Variants in PLD5 observed in about 807,000 individuals in gnomAD.
PLD5 encodes the protein inactive phospholipase D5.
A neutral mutation model predicts 61.1 loss-of-function variants in PLD5; 36 were observed. The observed-to-expected ratio is 0.59, with a 90% CI of 0.45 to 0.78. The LOEUF is 0.78. Ranked by LOEUF, PLD5 falls within the 30% of genes least tolerant of loss-of-function variation. The pLI, the probability that PLD5 is intolerant of heterozygous loss-of-function variation, is 0.00. For synonymous variants in PLD5, 243 were observed against 242.8 expected (o/e 1.00, Z -0.01); for missense variants, 515 against 644.4 (o/e 0.80, Z 2.17).
intron 4 of PLD5, among the ~76,000 whole-genome samples, chr1:242,246,478 A>ACACACACAC (rs138668018): frequency 7.1e-6 from 1 of 141,106 alleles, no homozygotes; most frequent in Non-Finnish European, 1.5e-5. Context: ...TAGAAAAGAC[A>ACACACACAC]ACACACACAC....
chr1:242,145,696 T>G (rs1165732185), intron 5 of PLD5, among the ~76,000 whole-genome samples: 8 of 152,264 alleles, frequency 5.3e-5, no homozygotes, highest in Admixed American at 4.6e-4. Context: ...AGTCCACTTT[T>G]CTGTCTCGCC....
At chr1:242,196,187 A>G (rs1668627072) in intron 5 of PLD5, among the ~76,000 whole-genome samples, 1 of 152,254 alleles carries the variant, frequency 6.6e-6, no homozygotes, top group Non-Finnish European at 1.5e-5. Flanking sequence ...AACAACAGCT[A>G]GAAGGTAAAT....
rs544540799 is a variant in PLD5, at chr1:242,385,607, G to A, written c.190-37365C>T. ...GTCTTTTTCTCAATCCTTTGACTCCGCCGGACTTTGTCACCCCCACGACCT... is the reference window on the plus strand; with the variant it reads ...GTCTTTTTCTCAATCCTTTGACTCCACCGGACTTTGTCACCCCCACGACCT... On this transcript the variant is annotated intron_variant, in intron 1 of 9. Transcript: ENST00000536534. Among the ~76,000 whole-genome samples the A allele has an allele frequency of 5.3e-5, 8 of 152,098 alleles. No individual in the cohort carries two copies. In the East Asian group the frequency reaches 9.7e-4, roughly 18 times the overall value.
chr1:242,523,304 A>T (rs976583391), intron 1 of PLD5, among the ~76,000 whole-genome samples: 1 of 151,764 alleles, frequency 6.6e-6, no homozygotes, highest in Non-Finnish European at 1.5e-5. Context: ...TGATGGATCA[A>T]ATTTGAAACT....
Position 242,514,013 on chromosome 1 carries a change from A to G in PLD5, c.189+10075T>C, listed in dbSNP as rs534901070. Among the ~76,000 whole-genome samples the G allele has an allele frequency of 2.6e-5, 4 of 152,358 alleles. No individual in the cohort carries two copies. The South Asian group carries it at 8.3e-4, about 32-fold the overall frequency. ...CAATTCCTATATGGACCACTAAAAA[A>G]GATGCTACACTGGTCTCCCCAATTC... On this transcript the variant is annotated intron_variant, in intron 1 of 9. Transcript: ENST00000536534.
chr1:242,109,454 G>A (rs551682458), intron 7 of PLD5, among the ~76,000 whole-genome samples: 2 of 152,152 alleles, frequency 1.3e-5, no homozygotes, highest in Admixed American at 6.5e-5. Flanking sequence ...CTCCAGCCTG[G>A]GTGACAGAGC....
intron 5 of PLD5, among the ~76,000 whole-genome samples, chr1:242,206,543 C>A (rs1669324690): frequency 6.6e-6 from 1 of 152,176 alleles, no homozygotes; most frequent in Non-Finnish European, 1.5e-5. Context: ...TACTAATAGC[C>A]TACTGTTGAC....
intron 1 of PLD5, among the ~76,000 whole-genome samples, chr1:242,369,838 G>T (rs752364966): frequency 1.3e-5 from 2 of 152,054 alleles, no homozygotes; most frequent in Non-Finnish European, 2.9e-5. Flanking sequence ...CCACCACCCC[G>T]GGTGGTCTGC....
chr1:242,179,440 G>C (rs1380890103), intron 5 of PLD5, among the ~76,000 whole-genome samples: 1 of 152,148 alleles, frequency 6.6e-6, no homozygotes, highest in Non-Finnish European at 1.5e-5. Context: ...CAGAGGACTC[G>C]ATTTCTTCCC....
At chr1:242,300,448 GAAGAAGAAAGAA>G (rs1173838320) in intron 2 of PLD5, among the ~76,000 whole-genome samples, 3 of 17,540 alleles carry the variant, frequency 1.7e-4, no homozygotes, top group African/African-American at 3.6e-4. Flanking sequence ...GGAGGAGGAG[GAAGAAGAAAGAA>G]AGAAAGAAAG....
intron 1 of PLD5, among the ~76,000 whole-genome samples, chr1:242,442,073 A>T (rs997013233): frequency 6.6e-6 from 1 of 152,174 alleles, no homozygotes; most frequent in Non-Finnish European, 1.5e-5. Flanking sequence ...AGCACCTCTC[A>T]TGGGAGCACA....
At chr1:242,282,503 T>C (rs1461548867) in intron 3 of PLD5, among the ~76,000 whole-genome samples, 2 of 152,194 alleles carry the variant, frequency 1.3e-5, no homozygotes, top group Non-Finnish European at 2.9e-5. Context: ...TAAAAAATCA[T>C]AATTTCTCGA....
intron 2 of PLD5, among the ~76,000 whole-genome samples, chr1:242,301,764 A>ACAT (rs1676049479): frequency 2.6e-5 from 1 of 38,610 alleles, no homozygotes; most frequent in African/African-American, 7.0e-5. Flanking sequence ...ATTTTTTAAA[A>ACAT]CATTATTATT....
At chr1:242,182,578 C>T (rs1464370382) in intron 5 of PLD5, among the ~76,000 whole-genome samples, 2 of 152,152 alleles carry the variant, frequency 1.3e-5, no homozygotes, top group Non-Finnish European at 2.9e-5. Context: ...CGCAGTGGCT[C>T]ACGCTTGTAA....
intron 3 of PLD5, among the ~76,000 whole-genome samples, chr1:242,274,623 G>A (rs1337863145): frequency 1.1e-4 from 16 of 152,012 alleles, no homozygotes; most frequent in Non-Finnish European, 1.9e-4. Flanking sequence ...GTGTGGTGGC[G>A]GGCGCCTGTA....
chr1:242,484,514 AG>A (rs1382263344), intron 1 of PLD5, among the ~76,000 whole-genome samples: 2 of 152,222 alleles, frequency 1.3e-5, no homozygotes, highest in Non-Finnish European at 2.9e-5. Flanking sequence ...ACCAGGAAGA[AG>A]TTGAATCCCT....
intron 1 of PLD5, among the ~76,000 whole-genome samples, chr1:242,397,673 C>A (rs553587414): frequency 6.6e-6 from 1 of 152,264 alleles, no homozygotes; most frequent in African/African-American, 2.4e-5. Flanking sequence ...TACTCCCTCA[C>A]TCCCTACCTA....
intron 1 of PLD5, among the ~76,000 whole-genome samples, chr1:242,493,597 C>T (rs1481494559): frequency 1.3e-5 from 2 of 152,188 alleles, no homozygotes; most frequent in Non-Finnish European, 2.9e-5. Flanking sequence ...GAGGCTGCCA[C>T]ATGGCCACCG....
At chr1:242,136,295 C>T (rs1055574234) in intron 5 of PLD5, among the ~76,000 whole-genome samples, 2 of 152,158 alleles carry the variant, frequency 1.3e-5, no homozygotes, top group Non-Finnish European at 2.9e-5. Context: ...CAAGGCACTT[C>T]CATTCTGCCT....
Sources: allele counts gnomAD v4.1 joint callset (sites outside exome capture counted in the v4.1 genomes callset), GRCh38; gene constraint gnomAD v4.1.1; transcripts MANE v1.5; gene names NCBI Gene and HGNC (gene_info 2026-07-23, HGNC 2026-07-21).